Variants in CEP20 observed in about 807,000 individuals in gnomAD.
CEP20 encodes the protein FGFR1OP N-terminal like.
A neutral mutation model predicts 20.0 loss-of-function variants in CEP20; 18 were observed. That is an observed-to-expected ratio of 0.90 (90% CI 0.62 to 1.34). The LOEUF is 1.34. Among genes scored for constraint, CEP20 ranks in the 40% most tolerant of loss-of-function variants. CEP20 has a pLI of 0.00. For synonymous variants in CEP20, 77 were observed against 73.7 expected (o/e 1.04, Z -0.23); for missense variants, 215 against 201.6 (o/e 1.07, Z -0.40).
chr16:15,888,516 G>C, intron 1 of CEP20, 42 bp downstream of exon 1: 1 of 1,613,702 alleles, frequency 6.2e-7, no homozygotes, highest in East Asian at 2.2e-5. Context: ...CAAGATGAAG[G>C]CCCGACGCTT....
In CEP20 at chr16:15,879,808, T is replaced by C; in HGVS notation, c.307A>G (p.Thr103Ala). Reference protein sequence around the residue: ...LNAFEESKDNTIPLLYGILAH... With the variant: ...LNAFEESKDNAIPLLYGILAH... ...TTCTTTAAAAAAATGTCTTACATTGTATTATCCTTTGATTCTTCAAATGCA... is the reference window on the plus strand; with the variant it reads ...TTCTTTAAAAAAATGTCTTACATTGCATTATCCTTTGATTCTTCAAATGCA... Residue 103 changes from threonine to alanine, a missense_variant, in exon 3 of 5, where the codon ACA (threonine) becomes GCA (alanine). Thr to Ala is a moderately conservative substitution (Grantham distance 58). Coordinates refer to ENST00000255759, the MANE Select transcript of CEP20 (RefSeq NM_144600.4). 6.4e-7 allele frequency: 1 copy of C among 1,573,622 alleles called. No individual in the cohort carries two copies. The highest frequency in any genetic ancestry group is 8.6e-7 in the Non-Finnish European group (1 of 1,162,752).
chr16:15,876,456 C>A (rs1413675431), intron 3 of CEP20, among the ~76,000 whole-genome samples: 2 of 150,740 alleles, frequency 1.3e-5, no homozygotes, highest in Non-Finnish European at 2.9e-5. Context: ...GCCTGGACGA[C>A]AGAGTGAGAC....
intron 3 of CEP20, among the ~76,000 whole-genome samples, chr16:15,879,466 A>G (rs1174121225): frequency 6.6e-6 from 1 of 152,172 alleles, no homozygotes; most frequent in Non-Finnish European, 1.5e-5. Context: ...TGGGCAAAAA[A>G]GCGAGGCCTT....
Position 15,867,269 on chromosome 16 carries a change from T to C in CEP20, c.*171A>G. 4.2e-6 allele frequency: 2 copies of C among 479,068 alleles called. No individual in the cohort carries two copies. Among genetic ancestry groups the C allele is most frequent in the Non-Finnish European group, 7.3e-6 (2 of 274,344 alleles). The allele number at this position is 479,068 out of a possible 1,614,324, so 29.7% of individuals were successfully genotyped here. A position where few individuals can be genotyped will look rare whatever the true frequency, so the allele number is the denominator to read the frequency against. On this transcript the variant is annotated 3_prime_UTR_variant, in exon 5 of 5. Transcript: ENST00000255759. ...TTTTTTCAAGTCAAATCCAATAAGC[T>C]AGATGACAAGAGTTAGCTTTTATTC...
chr16:15,867,374 G>A lies in CEP20; in HGVS notation c.*66C>T. On this transcript the variant is annotated 3_prime_UTR_variant, in exon 5 of 5. Coordinates refer to ENST00000255759, the MANE Select transcript of CEP20 (RefSeq NM_144600.4). ...ATTAGTGGTGCATTTTGGTAACATT[G>A]GGACAATAAATAAGTTATTTAATTA... 5 of 1,259,876 alleles carry A rather than the reference G, an allele frequency of 4.0e-6. No individual in the cohort carries two copies. The highest frequency in any genetic ancestry group is 5.4e-6 in the Non-Finnish European group (5 of 921,492). 78.0% of individuals were successfully genotyped at this position (1,259,876 alleles called of 1,614,324 possible).
chr16:15,882,869 G>A (rs2045140362), intron 2 of CEP20: 1 of 151,488 alleles, frequency 6.6e-6, no homozygotes, highest in Non-Finnish European at 1.5e-5. Context: ...AGAGACAGGA[G>A]TTGGACCAGC....
At position 15,865,880 on chromosome 16, in the gene CEP20, A is replaced by G. The variant is rs1404885935; in HGVS notation, c.*1560T>C. 6.6e-6 allele frequency: 1 copy of G among 152,234 alleles called. No individual in the cohort carries two copies. The highest frequency in any genetic ancestry group is 1.5e-5 in the Non-Finnish European group (1 of 68,040). The allele number at this position is 152,234 out of a possible 1,614,324, so 9.4% of individuals were successfully genotyped here. A position where few individuals can be genotyped will look rare whatever the true frequency, so the allele number is the denominator to read the frequency against. ...ATTTTATATCAGTATCCAAAATTAT[A>G]TACTCCAGCATTTTTTCCGAATATA... On this transcript the variant is annotated 3_prime_UTR_variant, in exon 5 of 5. Coordinates refer to ENST00000255759, the MANE Select transcript of CEP20 (RefSeq NM_144600.4).
intron 4 of CEP20, 48 bp downstream of exon 4, chr16:15,873,443 A>C (rs1349789272): frequency 6.3e-7 from 1 of 1,580,914 alleles, no homozygotes; most frequent in South Asian, 1.2e-5. Flanking sequence ...ATATAGGAAG[A>C]AAACATATTT....
chr16:15,888,520 G>A, intron 1 of CEP20, 38 bp downstream of exon 1: 4 of 1,613,940 alleles, frequency 2.5e-6, no homozygotes, highest in Non-Finnish European at 3.4e-6. Context: ...ATGAAGGCCC[G>A]ACGCTTCCCA....
At chr16:15,881,622 T>C (rs1335933987) in intron 2 of CEP20, among the ~76,000 whole-genome samples, 1 of 152,010 alleles carries the variant, frequency 6.6e-6, no homozygotes, top group Non-Finnish European at 1.5e-5. Flanking sequence ...ATGACACACA[T>C]TCAGGGTGCC....
chr16:15,880,794 T>C (rs2045078803), intron 2 of CEP20, among the ~76,000 whole-genome samples: 1 of 151,916 alleles, frequency 6.6e-6, no homozygotes, highest in Non-Finnish European at 1.5e-5. Context: ...CAGCCTCCTG[T>C]TGGCAGAATT....
chr16:15,885,854 C>T (rs915668545), intron 1 of CEP20: 3 of 152,230 alleles, frequency 2.0e-5, no homozygotes, highest in Non-Finnish European at 2.9e-5. Context: ...TAGCCAGAGT[C>T]ACCATGACAA....
intron 2 of CEP20, among the ~76,000 whole-genome samples, chr16:15,882,779 C>CACACACACA (rs1567241806): frequency 6.2e-5 from 2 of 32,374 alleles, no homozygotes; most frequent in Admixed American, 3.5e-4. Context: ...ATCTATCTAT[C>CACACACACA]TAGATACACA....
chr16:15,888,480 G>T, intron 1 of CEP20, 78 bp downstream of exon 1: 1 of 1,585,772 alleles, frequency 6.3e-7, no homozygotes, highest in Non-Finnish European at 8.6e-7. Flanking sequence ...TGTTCCGCGC[G>T]CTCTCCTCCC....
chr16:15,876,781 T>G (rs1031498802), intron 3 of CEP20, among the ~76,000 whole-genome samples: 1 of 151,824 alleles, frequency 6.6e-6, no homozygotes, highest in Non-Finnish European at 1.5e-5. Context: ...TTAAAGAAGT[T>G]ACCTAACTTT....
intron 1 of CEP20, chr16:15,885,728 T>A (rs189143674): frequency 6.6e-6 from 1 of 152,318 alleles, no homozygotes; most frequent in East Asian, 1.9e-4. Flanking sequence ...GTTAATTCCT[T>A]AGAACAGTAG....
intron 4 of CEP20, among the ~76,000 whole-genome samples, chr16:15,871,449 T>G (rs924050033): frequency 6.6e-6 from 1 of 152,080 alleles, no homozygotes; most frequent in African/African-American, 2.4e-5. Context: ...ATTTAGAGAT[T>G]TACTCATGTA....
chr16:15,867,618 C>A, intron 4 of CEP20, 102 bp from the exon 5 acceptor site: 3 of 705,952 alleles, frequency 4.2e-6, no homozygotes, highest in South Asian at 2.2e-5. Flanking sequence ...ATTTAATATT[C>A]TATGAGTACT....
rs2044681998 is a variant in CEP20, at chr16:15,866,467, A to C, written c.*973T>G. The C allele has an allele frequency of 1.3e-5, 2 of 152,226 alleles. No individual in the cohort carries two copies. The highest frequency in any genetic ancestry group is 2.9e-5 in the Non-Finnish European group (2 of 68,036). The allele number at this position is 152,226 out of a possible 1,614,324, so 9.4% of individuals were successfully genotyped here. A position where few individuals can be genotyped will look rare whatever the true frequency, so the allele number is the denominator to read the frequency against. On this transcript the variant is annotated 3_prime_UTR_variant, in exon 5 of 5. Coordinates refer to ENST00000255759, the MANE Select transcript of CEP20 (RefSeq NM_144600.4). Reference sequence around the variant, plus strand: ...TGTTTTCAATGAAATGAGCCTGTGGACACTACATTAAAAATACTTCTTTAA... The same window carrying C: ...TGTTTTCAATGAAATGAGCCTGTGGCCACTACATTAAAAATACTTCTTTAA...
Sources: gnomAD v4.1 joint callset for allele counts (sites outside exome capture counted in the v4.1 genomes callset) on GRCh38, gnomAD v4.1.1 for gene constraint, MANE v1.5 for transcripts, NCBI Gene and HGNC (gene_info 2026-07-23, HGNC 2026-07-21) for gene names.